Variants in ITGA9 observed in about 807,000 individuals in gnomAD.
The protein encoded by ITGA9 is integrin alpha-9.
In ITGA9, 56 loss-of-function variants were observed where a neutral mutation model predicts 127.8. The observed-to-expected ratio is 0.44, with a 90% confidence interval of 0.35 to 0.55. The LOEUF is 0.55. ITGA9 is among the 20% of genes least tolerant of loss of function. The probability of loss-of-function intolerance (pLI) is 0.00; values close to 1 mark genes in which losing one functional copy is unlikely to be tolerated. For synonymous variants in ITGA9, 508 were observed against 514.5 expected, an observed-to-expected ratio of 0.99 and a Z score of 0.17; for missense variants, 1,196 against 1,347.1, an observed-to-expected ratio of 0.89 and a Z score of 1.76.
intron 4 of ITGA9, among the ~76,000 whole-genome samples, chr3:37,489,416 T>A (rs1035871461): frequency 2.0e-5 from 3 of 152,370 alleles, no homozygotes; most frequent in Admixed American, 2.0e-4. Context: ...ATATTCCATT[T>A]GTAAATAAAT....
At chr3:37,747,256 TC>T (rs1470341352) in intron 22 of ITGA9, among the ~76,000 whole-genome samples, 2 of 152,192 alleles carry the variant, frequency 1.3e-5, no homozygotes, top group African/African-American at 4.8e-5. Flanking sequence ...TAAATTTTTT[TC>T]ATTTTAATTT....
chr3:37,504,019 T>C (rs955465712), intron 6 of ITGA9, among the ~76,000 whole-genome samples: 5 of 152,264 alleles, frequency 3.3e-5, no homozygotes, highest in African/African-American at 1.2e-4. Context: ...CACAATGCTC[T>C]TTCGCACTCA....
At chr3:37,634,045 G>A (rs986445369) in intron 16 of ITGA9, among the ~76,000 whole-genome samples, 9 of 152,058 alleles carry the variant, frequency 5.9e-5, no homozygotes, top group African/African-American at 2.2e-4. Flanking sequence ...ACTATCAGAT[G>A]TTTTTTGTAA....
rs182112815 is a variant in ITGA9, at chr3:37,482,640, A to T, written c.544+1033A>T. 5.8e-3 allele frequency among the ~76,000 whole-genome samples: 876 copies of T among 152,306 alleles called. 5 individuals are homozygous for T. The highest frequency in any genetic ancestry group is 0.011 in the Non-Finnish European group (724 of 68,024). ...GTTTCAAATTTTGTGGACACTAAAA[A>T]GGATTCATGAGAAACACTATATGGA... On this transcript the variant is annotated intron_variant, in intron 4 of 27. Transcript: ENST00000264741.
chr3:37,563,980 G>T (rs1471513983), intron 15 of ITGA9, among the ~76,000 whole-genome samples: 1 of 152,164 alleles, frequency 6.6e-6, no homozygotes, highest in African/African-American at 2.4e-5. Flanking sequence ...TCAAAGGATA[G>T]TAACGACTTT....
At chr3:37,534,503 C>T (rs949083348) in intron 14 of ITGA9, among the ~76,000 whole-genome samples, 19 of 152,258 alleles carry the variant, frequency 1.2e-4, no homozygotes, top group South Asian at 6.2e-4. Flanking sequence ...TGTGCACACA[C>T]GCCCACTCAT....
chr3:37,518,456 T>G (rs981633706), intron 10 of ITGA9, among the ~76,000 whole-genome samples: 1 of 152,242 alleles, frequency 6.6e-6, no homozygotes, highest in Admixed American at 6.5e-5. Flanking sequence ...CTAGGTTTTG[T>G]TCTAGGAGTT....
At chr3:37,571,751 C>T (rs1426033717) in intron 15 of ITGA9, among the ~76,000 whole-genome samples, 1 of 152,020 alleles carries the variant, frequency 6.6e-6, no homozygotes, top group African/African-American at 2.4e-5. Flanking sequence ...AATCCGCTTT[C>T]TGCTTTCTTA....
intron 15 of ITGA9, among the ~76,000 whole-genome samples, chr3:37,614,228 TC>T (rs1700051902): frequency 1.3e-5 from 2 of 152,210 alleles, no homozygotes; most frequent in Admixed American, 6.5e-5. Context: ...GGGAATCCTT[TC>T]CCCATTGCTT....
At chr3:37,720,203 A>G (rs1016865966) in intron 18 of ITGA9, among the ~76,000 whole-genome samples, 11 of 152,220 alleles carry the variant, frequency 7.2e-5, no homozygotes, top group Admixed American at 5.2e-4. Flanking sequence ...AGCAGAGTAG[A>G]AGGGGGTTTG....
intron 23 of ITGA9, among the ~76,000 whole-genome samples, chr3:37,760,729 AT>A (rs1206377989): frequency 1.3e-5 from 2 of 152,210 alleles, no homozygotes; most frequent in African/African-American, 4.8e-5. Flanking sequence ...AGAACTGAAT[AT>A]TTTCATAATC....
At chr3:37,651,808 G>T (rs955383676) in intron 16 of ITGA9, among the ~76,000 whole-genome samples, 1 of 152,136 alleles carries the variant, frequency 6.6e-6, no homozygotes, top group African/African-American at 2.4e-5. Context: ...GAGGCCCTGG[G>T]TGGGAAGTTG....
chr3:37,683,239 T>A (rs1212403421), intron 17 of ITGA9, among the ~76,000 whole-genome samples: 2 of 152,208 alleles, frequency 1.3e-5, no homozygotes, highest in African/African-American at 2.4e-5. Context: ...CCTTTGCTAG[T>A]CCCCACATAC....
intron 26 of ITGA9, among the ~76,000 whole-genome samples, chr3:37,787,543 C>T (rs1359764846): frequency 2.6e-5 from 4 of 152,154 alleles, no homozygotes; most frequent in Non-Finnish European, 5.9e-5. Context: ...CACAATGCCC[C>T]TTCTCCCTCC....
chr3:37,626,910 G>A (rs1257021181), intron 15 of ITGA9, among the ~76,000 whole-genome samples: 1 of 152,182 alleles, frequency 6.6e-6, no homozygotes, highest in African/African-American at 2.4e-5. Context: ...AAGATAGTCA[G>A]CCTTAGGGAA....
At chr3:37,604,566 G>A (rs1451119176) in intron 15 of ITGA9, among the ~76,000 whole-genome samples, 1 of 152,194 alleles carries the variant, frequency 6.6e-6, no homozygotes, top group Non-Finnish European at 1.5e-5. Context: ...TTAACGGAAG[G>A]GTTTCCACAC....
At chr3:37,636,705 C>T (rs1232837334) in intron 16 of ITGA9, among the ~76,000 whole-genome samples, 1 of 152,130 alleles carries the variant, frequency 6.6e-6, no homozygotes, top group Admixed American at 6.5e-5. Flanking sequence ...GAAGTCCTTG[C>T]CCATGCCTAT....
At position 37,647,368 on chromosome 3, in the gene ITGA9, T is replaced by C. The variant is rs540743158; in HGVS notation, c.1840-6346T>C. Reference sequence around the variant, plus strand: ...TCATTGTTTTTTAATGTATGTAAGGTATATAAAATGATGTTTTGATGTACA... The same window carrying C: ...TCATTGTTTTTTAATGTATGTAAGGCATATAAAATGATGTTTTGATGTACA... On this transcript the variant is annotated intron_variant, in intron 16 of 27. Coordinates refer to ENST00000264741, the MANE Select transcript of ITGA9 (RefSeq NM_002207.3). Among the ~76,000 whole-genome samples the C allele has an allele frequency of 3.3e-5, 5 of 152,282 alleles. No individual in the cohort carries two copies. The South Asian group carries it at 1.0e-3, about 32-fold the overall frequency.
chr3:37,705,650 A>G (rs1054284343), intron 18 of ITGA9, among the ~76,000 whole-genome samples: 4 of 152,136 alleles, frequency 2.6e-5, no homozygotes, highest in African/African-American at 7.2e-5. Flanking sequence ...TGCTTTCTGT[A>G]TCGGCTTTCT....
Sources: gnomAD v4.1 joint callset for allele counts (sites outside exome capture counted in the v4.1 genomes callset) on GRCh38, gnomAD v4.1.1 for gene constraint, MANE v1.5 for transcripts, NCBI Gene and HGNC (gene_info 2026-07-23, HGNC 2026-07-21) for gene names.